The following SGCD variants were observed in gnomAD, a reference collection of about 807,000 sequenced individuals.
SGCD encodes sarcoglycan delta.
SGCD carries 18 observed loss-of-function variants against 36.6 expected under a neutral mutation model. The ratio of observed to expected loss-of-function variants is 0.49; its 90% CI spans 0.34 to 0.73. SGCD has a LOEUF of 0.73. SGCD is among the 30% of genes least tolerant of loss of function. The pLI is 0.01. For synonymous variants in SGCD, 133 were observed against 130.6 expected (o/e 1.02, Z -0.12); for missense variants, 387 against 346.7 (o/e 1.12, Z -0.92).
chr5:156,210,209 C>T (rs1388616561), intron 3 of SGCD, among the ~76,000 whole-genome samples: 1 of 152,168 alleles, frequency 6.6e-6, no homozygotes, highest in East Asian at 1.9e-4. Flanking sequence ...CCCATCTGCT[C>T]ACCTAGGCCA....
At chr5:156,427,433 T>A (rs928378557) in intron 3 of SGCD, among the ~76,000 whole-genome samples, 19 of 152,096 alleles carry the variant, frequency 1.2e-4, no homozygotes, top group Non-Finnish European at 2.6e-4. Context: ...ATCTAGGAGC[T>A]TTTTGAGTGA....
intron 3 of SGCD, among the ~76,000 whole-genome samples, chr5:156,500,579 AC>A (rs1220022903): frequency 6.6e-6 from 1 of 152,174 alleles, no homozygotes. Context: ...AGAAAATCGC[AC>A]TTTTTTTCTG....
intron 4 of SGCD, among the ~76,000 whole-genome samples, chr5:156,537,887 C>T (rs1758187058): frequency 2.0e-5 from 3 of 151,980 alleles, no homozygotes; most frequent in Admixed American, 1.3e-4. Flanking sequence ...TCTGCTTTCC[C>T]TTCTTCTGCC....
At chr5:156,554,578 T>C (rs904502130) in intron 4 of SGCD, among the ~76,000 whole-genome samples, 2 of 149,880 alleles carry the variant, frequency 1.3e-5, no homozygotes, top group African/African-American at 4.9e-5. Context: ...CAAAAAAAAG[T>C]ATGCATATGT....
intron 3 of SGCD, among the ~76,000 whole-genome samples, chr5:156,491,320 C>G (rs1466199119): frequency 1.3e-5 from 2 of 152,134 alleles, no homozygotes; most frequent in Non-Finnish European, 2.9e-5. Flanking sequence ...CAATGACACT[C>G]TTCACAAAGT....
chr5:155,867,656 C>T (rs1424493128), upstream of SGCD, among the ~76,000 whole-genome samples: 5 of 152,068 alleles, frequency 3.3e-5, no homozygotes. Context: ...ATTTAAGAGC[C>T]AGAAGATGCC....
intron 7 of SGCD, among the ~76,000 whole-genome samples, chr5:156,697,382 C>G (rs545142334): frequency 1.6e-4 from 25 of 152,206 alleles, no homozygotes; most frequent in African/African-American, 5.3e-4. Context: ...CATTCTGCTC[C>G]CCACATGTGT....
intron 1 of SGCD, among the ~76,000 whole-genome samples, chr5:155,885,748 T>A (rs1413246365): frequency 6.6e-6 from 1 of 152,208 alleles, no homozygotes; most frequent in East Asian, 1.9e-4. Context: ...GTTCCTTCCA[T>A]CTCAATTATC....
intron 3 of SGCD, among the ~76,000 whole-genome samples, chr5:156,371,745 A>G (rs1003041487): frequency 6.6e-6 from 1 of 152,194 alleles, no homozygotes; most frequent in Non-Finnish European, 1.5e-5. Context: ...ACTGTCCAAT[A>G]AATGTTCCCC....
At chr5:155,919,681 A>T (rs187317770) in intron 1 of SGCD, among the ~76,000 whole-genome samples, 1 of 152,252 alleles carries the variant, frequency 6.6e-6, no homozygotes, top group East Asian at 1.9e-4. Flanking sequence ...CAAGGACAAG[A>T]CCCTTGGAAG....
chr5:155,741,080 T>A, the SGCD span, among the ~76,000 whole-genome samples: 1 of 152,136 alleles, frequency 6.6e-6, no homozygotes, highest in Non-Finnish European at 1.5e-5. Flanking sequence ...CATCTTGAAG[T>A]GGAGGCTGGG....
chr5:155,844,831 A>C, the SGCD span, among the ~76,000 whole-genome samples: 4 of 152,224 alleles, frequency 2.6e-5, no homozygotes, highest in African/African-American at 9.6e-5. Context: ...TGCATGCCAT[A>C]TAATGACTGG....
chr5:156,065,404 T>A (rs1400327185), intron 1 of SGCD, among the ~76,000 whole-genome samples: 3 of 126,274 alleles, frequency 2.4e-5, no homozygotes, highest in Admixed American at 7.6e-5. Context: ...GAGAAGAATG[T>A]ATATTCTGTT....
chr5:155,957,137 G>A (rs535376518), intron 1 of SGCD, among the ~76,000 whole-genome samples: 35 of 152,182 alleles, frequency 2.3e-4, no homozygotes, highest in African/African-American at 7.2e-4. Flanking sequence ...AAGATCTGAA[G>A]GAGATGGAAA....
intron 1 of SGCD, among the ~76,000 whole-genome samples, chr5:155,913,874 G>A (rs543276823): frequency 6.6e-4 from 101 of 152,322 alleles, no homozygotes; most frequent in Non-Finnish European, 1.1e-3. Context: ...TTTCAAGACC[G>A]TGGAAACAGT....
chr5:156,133,505 T>C (rs1255834972), intron 3 of SGCD, among the ~76,000 whole-genome samples: 1 of 152,174 alleles, frequency 6.6e-6, no homozygotes, highest in East Asian at 1.9e-4. Flanking sequence ...CAAGTAGCTT[T>C]CTTGAAACCA....
intron 7 of SGCD, chr5:156,704,104 A>ATC (rs1754643452): frequency 6.6e-6 from 1 of 152,136 alleles, no homozygotes; most frequent in East Asian, 1.9e-4. Context: ...TTTGATATTG[A>ATC]ATGTCCAGAC....
chr5:156,132,509 C>A (rs55803328), intron 3 of SGCD, among the ~76,000 whole-genome samples: 1,493 of 116,422 alleles, frequency 0.013, 30 homozygotes, highest in African/African-American at 0.051. Flanking sequence ...CACTCTTTCG[C>A]CCAAGCTGGA....
intron 7 of SGCD, among the ~76,000 whole-genome samples, chr5:156,652,583 T>C (rs575346114): frequency 6.6e-6 from 1 of 152,298 alleles, no homozygotes; most frequent in East Asian, 1.9e-4. Context: ...TATTTATTTC[T>C]CTTGCCTGAT....
Sources: gnomAD v4.1 joint callset for allele counts (sites outside exome capture counted in the v4.1 genomes callset) on GRCh38, gnomAD v4.1.1 for gene constraint, MANE v1.5 for transcripts, NCBI Gene and HGNC (gene_info 2026-07-23, HGNC 2026-07-21) for gene names.